The following PDE6A variants were observed in gnomAD, a reference collection of about 807,000 sequenced individuals.
PDE6A encodes the protein rod cGMP-specific 3',5'-cyclic phosphodiesterase subunit alpha.
A neutral mutation model predicts 106.3 loss-of-function variants in PDE6A; 84 were observed. The observed-to-expected ratio is 0.79, with a 90% CI of 0.66 to 0.95. The LOEUF is 0.95. Among genes scored for constraint, PDE6A ranks in the 40% least tolerant of loss-of-function variants. The pLI is 0.00. For missense variants in PDE6A, 1,052 were observed against 1,084.9 expected, an observed-to-expected ratio of 0.97 and a Z score of 0.43; for synonymous variants, 394 against 386.6, an observed-to-expected ratio of 1.02 and a Z score of -0.23.
chr5:149,938,275 T>G (rs1430243255), intron 1 of PDE6A, among the ~76,000 whole-genome samples: 2 of 151,734 alleles, frequency 1.3e-5, no homozygotes, highest in Non-Finnish European at 2.9e-5. Context: ...CTGTGAAGGT[T>G]TTTTTTTTCT....
chr5:149,883,130 G>T (rs1760992550), intron 17 of PDE6A, among the ~76,000 whole-genome samples: 1 of 152,138 alleles, frequency 6.6e-6, no homozygotes, highest in South Asian at 2.1e-4. Context: ...AAACTTAAAA[G>T]TTATATCAGT....
At chr5:149,930,245 C>A (rs1753991221) in intron 4 of PDE6A, among the ~76,000 whole-genome samples, 1 of 152,208 alleles carries the variant, frequency 6.6e-6, no homozygotes, top group African/African-American at 2.4e-5. Flanking sequence ...TATCCAAGGG[C>A]TTTTCCAACC....
At chr5:149,914,910 T>C (rs1753504322) in intron 6 of PDE6A, 33 bp downstream of exon 6, 3 of 1,447,416 alleles carry the variant, frequency 2.1e-6, no homozygotes, top group South Asian at 1.1e-5. Context: ...AGCTAATTTG[T>C]TGTCATTTTG....
At chr5:149,914,386 A>G (rs30827) in intron 6 of PDE6A, among the ~76,000 whole-genome samples, 84,043 of 151,972 alleles carry the variant, frequency 0.55, 24,395 homozygotes, top group Middle Eastern at 0.65. Context: ...TTGATAATGT[A>G]CCTGCAGTTT....
rs140150291 is a variant in PDE6A, at chr5:149,874,212, C to A, written c.2136-6054G>T. ...GATACTAAATTCCTATAGTTAGCAT[C>A]ACATTCTACAGGTTAAAGGGTTCAG... On this transcript the variant is annotated intron_variant, in intron 17 of 21. Transcript: ENST00000255266. Among the ~76,000 whole-genome samples, 115 of 152,254 alleles carry A rather than the reference C, an allele frequency of 7.6e-4. 1 individual carries two copies. Among genetic ancestry groups the A allele is most frequent in the African/African-American group, 2.6e-3 (108 of 41,552 alleles).
chr5:149,882,255 G>T (rs1278156091), intron 17 of PDE6A, among the ~76,000 whole-genome samples: 1 of 150,878 alleles, frequency 6.6e-6, no homozygotes, highest in African/African-American at 2.4e-5. Context: ...ACTTGCTGCT[G>T]CCCCCCCCGT....
At chr5:149,870,004 A>T (rs1170126759) in intron 17 of PDE6A, among the ~76,000 whole-genome samples, 2 of 152,208 alleles carry the variant, frequency 1.3e-5, no homozygotes, top group East Asian at 3.9e-4. Context: ...ATCTTTAATT[A>T]TGGGCCTGGC....
chr5:149,863,070 T>G lies in PDE6A; in HGVS notation c.2506+49A>C. 1 of 1,610,984 alleles carries G rather than the reference T, an allele frequency of 6.2e-7. No individual in the cohort carries two copies. Among genetic ancestry groups the G allele is most frequent in the African/African-American group, 1.3e-5 (1 of 75,022 alleles). On this transcript the variant is annotated intron_variant, in intron 21 of 21. Transcript: ENST00000255266. This position sits in a 1 kb window ranked among gnomAD's most constrained non-coding sequence, Gnocchi z 4.7. ...TCTGAGGCAGGACGCAGACACTGAG[T>G]GCTCAGGGAGTGGGGTGGTGGGAGT...
chr5:149,907,526 GCCAA>G, intron 6 of PDE6A, 148 bp from the exon 7 acceptor site: 1 of 685,152 alleles, frequency 1.5e-6, no homozygotes. Flanking sequence ...CAAAATGTTG[GCCAA>G]CCATCTTAAT....
chr5:149,873,948 G>A (rs892889069), intron 17 of PDE6A, among the ~76,000 whole-genome samples: 2 of 151,480 alleles, frequency 1.3e-5, no homozygotes, highest in Non-Finnish European at 2.9e-5. Flanking sequence ...TGAGGCTACA[G>A]TGAGCTATGA....
intron 1 of PDE6A, among the ~76,000 whole-genome samples, chr5:149,941,882 A>C (rs1450722549): frequency 6.6e-6 from 1 of 152,066 alleles, no homozygotes; most frequent in Non-Finnish European, 1.5e-5. Context: ...TTTATTTTTT[A>C]GCAATTTTTT....
chr5:149,931,002 A>C (rs755417575), intron 4 of PDE6A, 26 bp downstream of exon 4: 1 of 1,612,306 alleles, frequency 6.2e-7, no homozygotes, highest in Non-Finnish European at 8.5e-7. Context: ...TTTTCTTGGA[A>C]ATGTCTGTTG....
chr5:149,930,593 T>C (rs941222794), intron 4 of PDE6A, among the ~76,000 whole-genome samples: 4 of 152,240 alleles, frequency 2.6e-5, no homozygotes, highest in African/African-American at 9.6e-5. Context: ...AGGGACCCGA[T>C]GTCGGCATCT....
At chr5:149,923,579 AAAC>A (rs1485817554) in intron 4 of PDE6A, among the ~76,000 whole-genome samples, 1 of 107,250 alleles carries the variant, frequency 9.3e-6, no homozygotes, top group Non-Finnish European at 1.7e-5. Flanking sequence ...ATAACATAAC[AAAC>A]AACAACACTA....
intron 5 of PDE6A, among the ~76,000 whole-genome samples, chr5:149,916,187 A>G (rs1581197777): frequency 6.6e-6 from 1 of 152,160 alleles, no homozygotes; most frequent in East Asian, 1.9e-4. Flanking sequence ...TTCTTTGGAC[A>G]TACTGAAGAC....
intron 1 of PDE6A, among the ~76,000 whole-genome samples, chr5:149,941,966 T>C (rs1754340216): frequency 6.6e-6 from 1 of 152,130 alleles, no homozygotes; most frequent in South Asian, 2.1e-4. Flanking sequence ...TTCTTTTCCT[T>C]TCCTTTCCTT....
At position 149,866,229 on chromosome 5, in the gene PDE6A, C is replaced by G; in HGVS notation, c.2299G>C (p.Asp767His). The G allele has an allele frequency of 5.6e-6, 9 of 1,614,124 alleles. No individual in the cohort carries two copies. Among genetic ancestry groups the G allele is most frequent in the Non-Finnish European group, 7.6e-6 (9 of 1,179,956 alleles). Residue 767 changes from aspartate (D) to histidine (H), a missense_variant, in exon 20 of 22, where the codon GAT becomes CAT. By Grantham distance (81) the Asp-to-His change is moderately conservative. Around this residue, in one of 3 missense-constraint regions of PDE6A, gnomAD observed 135 missense variants for 153.2 expected, o/e 0.88. Coordinates refer to ENST00000255266, the MANE Select transcript of PDE6A (RefSeq NM_000440.3). The part of the protein sequence containing the change: ...PIPMMDRNKA[D>H]ELPKLQVGFI... ...CCGACTTGAAGCTTAGGGAGTTCAT[C>G]TGCTTTGTTTCTGTCCATCATGGGC...
intron 6 of PDE6A, among the ~76,000 whole-genome samples, chr5:149,911,723 T>C (rs746544141): frequency 1.3e-5 from 2 of 151,848 alleles, no homozygotes; most frequent in Non-Finnish European, 2.9e-5. Flanking sequence ...TTATTGGCCA[T>C]TGCATCAGCT....
chr5:149,917,678 C>T (rs573147748), intron 5 of PDE6A, among the ~76,000 whole-genome samples: 9 of 152,268 alleles, frequency 5.9e-5, no homozygotes, highest in South Asian at 2.1e-4. Flanking sequence ...ACTAGATGAA[C>T]GCTGAAATAC....
Sources: gnomAD v4.1 joint callset for allele counts (sites outside exome capture counted in the v4.1 genomes callset) on GRCh38, gnomAD v4.1.1 for gene constraint, gnomAD v4.1.1 regional missense constraint, Gnocchi (gnomAD v3.1) non-coding constraint, MANE v1.5 for transcripts, NCBI Gene and HGNC (gene_info 2026-07-23, HGNC 2026-07-21) for gene names.